Variants in WNT7A observed in about 807,000 individuals in gnomAD.
The protein encoded by WNT7A is Wnt family member 7A.
Under a neutral mutation model 28.2 loss-of-function variants are expected in WNT7A, and 16 were observed. The ratio of observed to expected loss-of-function variants is 0.57; its 90% confidence interval spans 0.38 to 0.86. WNT7A has a LOEUF of 0.86. Among genes scored for constraint, WNT7A ranks in the 40% least tolerant of loss-of-function variants. The pLI, the probability that WNT7A is intolerant of heterozygous loss-of-function variation, is 0.00. For missense variants in WNT7A, 411 were observed against 489.7 expected, an observed-to-expected ratio of 0.84 and a Z score of 1.52; for synonymous variants, 190 against 195.9, an observed-to-expected ratio of 0.97 and a Z score of 0.25.
chr3:13,859,816 C>T (rs1257022225), intron 2 of WNT7A, among the ~76,000 whole-genome samples: 1 of 152,216 alleles, frequency 6.6e-6, no homozygotes, highest in African/African-American at 2.4e-5. Flanking sequence ...TTTTTGTTTG[C>T]CAGACTCCAT....
chr3:13,841,392 C>T (rs191985911), intron 3 of WNT7A, among the ~76,000 whole-genome samples: 8 of 152,328 alleles, frequency 5.3e-5, no homozygotes, highest in South Asian at 2.1e-4. Flanking sequence ...AGCAAGAATG[C>T]AGCCTCTGGA....
chr3:13,836,033 G>C (rs1457483011), intron 3 of WNT7A, among the ~76,000 whole-genome samples: 1 of 152,128 alleles, frequency 6.6e-6, no homozygotes, highest in Non-Finnish European at 1.5e-5. Context: ...AGGGAATGAG[G>C]AGTGACTACT....
At chr3:13,836,363 G>A (rs192459792) in intron 3 of WNT7A, among the ~76,000 whole-genome samples, 9 of 152,298 alleles carry the variant, frequency 5.9e-5, no homozygotes, top group Non-Finnish European at 1.2e-4. Context: ...GCATCCGCAC[G>A]CTCTCCCCAG....
Position 13,839,334 on chromosome 3 carries a change from G to A in WNT7A, c.570+15198C>T, listed in dbSNP as rs930290467. 6.6e-5 allele frequency among the ~76,000 whole-genome samples: 10 copies of A among 152,354 alleles called. No homozygotes were observed. The East Asian group carries it at 7.7e-4, about 12-fold the overall frequency. On this transcript the variant is annotated intron_variant, in intron 3 of 3. Transcript: ENST00000285018. ...TTTGAGAAGCTGTGAAGAGCCTGAG[G>A]CTGGGGGTCTCAGAGGGGAGCCCAG...
At chr3:13,838,865 G>A (rs566087216) in intron 3 of WNT7A, among the ~76,000 whole-genome samples, 9 of 152,340 alleles carry the variant, frequency 5.9e-5, no homozygotes, top group Non-Finnish European at 1.0e-4. Context: ...GGAGCCATGA[G>A]CAATATGGGT....
intron 2 of WNT7A, among the ~76,000 whole-genome samples, chr3:13,869,114 G>C (rs542302449): frequency 6.7e-6 from 1 of 148,360 alleles, no homozygotes; most frequent in African/African-American, 2.5e-5. Flanking sequence ...GAGGGAGAGA[G>C]AGGGAGGGAG....
In WNT7A at chr3:13,874,957, C is replaced by A. The variant is rs199816967; in HGVS notation, c.288G>T (p.Glu96Asp). 1 of 1,614,078 alleles carries A rather than the reference C, an allele frequency of 6.2e-7. No homozygotes were observed. Among genetic ancestry groups the A allele is most frequent in the East Asian group, 2.2e-5 (1 of 44,888 alleles). Residue 96 changes from glutamate to aspartate, a missense_variant, in exon 2 of 4, where the codon GAG becomes GAT. By Grantham distance (45) the Glu-to-Asp change is conservative. Coordinates refer to ENST00000285018, the MANE Select transcript of WNT7A (RefSeq NM_004625.4). ...TGGGTGAGCACATACCCACTTTGAG[C>A]TCCTTCCCGAAGACGGTGCGCTCTC... ...ALGERTVFGK[E>D]LKVGSREAAF...
At chr3:13,857,351 C>A (rs7631306) in intron 2 of WNT7A, among the ~76,000 whole-genome samples, 11 of 151,950 alleles carry the variant, frequency 7.2e-5, no homozygotes, top group African/African-American at 2.4e-4. Flanking sequence ...GAGGCAGGGC[C>A]TTGGTAAAGA....
rs746475689 is a variant in WNT7A, at chr3:13,854,573, G to A, written c.529C>T (p.Arg177Trp). Residue 177 changes from arginine (R) to tryptophan (W), a missense_variant, in exon 3 of 4, where the codon CGG becomes TGG. Coordinates refer to ENST00000285018, the MANE Select transcript of WNT7A (RefSeq NM_004625.4). ...VDAREIKQNARTLMNLHNNEA... is the reference protein window; with the variant it reads ...VDAREIKQNAWTLMNLHNNEA... ...TTGTTGTGCAAGTTCATGAGAGTCC[G>A]GGCATTCTGCTTGATCTCCCGGGCA... is the stretch of plus-strand genomic sequence containing the variant. The A allele has an allele frequency of 6.2e-7, 1 of 1,614,164 alleles. No individual in the cohort carries two copies. Among genetic ancestry groups the A allele is most frequent in the Non-Finnish European group, 8.5e-7 (1 of 1,180,052 alleles).
chr3:13,844,314 A>C (rs1421609854), intron 3 of WNT7A, among the ~76,000 whole-genome samples: 2 of 152,178 alleles, frequency 1.3e-5, no homozygotes, highest in Non-Finnish European at 2.9e-5. Flanking sequence ...ATTTACAAAG[A>C]GCACTTGGGA....
chr3:13,850,763 A>G (rs1694620573), intron 3 of WNT7A, among the ~76,000 whole-genome samples: 1 of 151,976 alleles, frequency 6.6e-6, no homozygotes, highest in African/African-American at 2.4e-5. Flanking sequence ...TGCCAGGTAC[A>G]ATATTATCAT....
intron 2 of WNT7A, among the ~76,000 whole-genome samples, chr3:13,870,996 A>G (rs1336506219): frequency 6.6e-6 from 1 of 152,238 alleles, no homozygotes; most frequent in African/African-American, 2.4e-5. Flanking sequence ...CTGAATACTC[A>G]GAAGGGAGCC....
chr3:13,825,765 G>A (rs929873287), intron 3 of WNT7A, among the ~76,000 whole-genome samples: 7 of 152,204 alleles, frequency 4.6e-5, no homozygotes, highest in Non-Finnish European at 8.8e-5. Flanking sequence ...AACATAATGG[G>A]CAGGACCGAG....
rs1007184780 is a variant in WNT7A at position 13,819,412 on chromosome 3, C to G, written c.582G>C (p.Glu194Asp). Residue 194 changes from glutamate to aspartate, a missense_variant, in exon 4 of 4, where the codon GAG (glutamate) becomes GAC (aspartate). By Grantham distance (45) the Glu-to-Asp change is conservative. Coordinates refer to ENST00000285018, the MANE Select transcript of WNT7A (RefSeq NM_004625.4). ...GGCACTTACATTCCAGCTTCATGTT[C>G]TCCTCCAGGATCTGCAGGGGAGGGC... ...NNEAGRKILE[E>D]NMKLECKCHG... is the part of the protein sequence containing the mutation. 8.7e-6 allele frequency: 14 copies of G among 1,613,088 alleles called. 1 individual carries two copies. Among genetic ancestry groups the G allele is most frequent in the Middle Eastern group, 3.3e-4 (2 of 6,082 alleles).
chr3:13,848,014 C>T (rs1000513278), intron 3 of WNT7A, among the ~76,000 whole-genome samples: 3 of 151,774 alleles, frequency 2.0e-5, no homozygotes, highest in African/African-American at 7.3e-5. Flanking sequence ...AAAAACGTAA[C>T]ATACAATTTA....
At chr3:13,870,747 G>A (rs1263418397) in intron 2 of WNT7A, among the ~76,000 whole-genome samples, 2 of 152,254 alleles carry the variant, frequency 1.3e-5, no homozygotes, top group African/African-American at 4.8e-5. Context: ...GTGTGGCACT[G>A]CAGGTGCAAA....
At chr3:13,835,240 G>C (rs1300532451) in intron 3 of WNT7A, among the ~76,000 whole-genome samples, 1 of 152,198 alleles carries the variant, frequency 6.6e-6, no homozygotes, top group Non-Finnish European at 1.5e-5. Flanking sequence ...AATGGCATTG[G>C]AGAAGCTCTC....
At chr3:13,851,415 G>A (rs1208726341) in intron 3 of WNT7A, among the ~76,000 whole-genome samples, 2 of 152,186 alleles carry the variant, frequency 1.3e-5, no homozygotes, top group Non-Finnish European at 2.9e-5. Context: ...TGTGCTGCCT[G>A]AACTGCCCTC....
intron 2 of WNT7A, among the ~76,000 whole-genome samples, chr3:13,867,628 C>T (rs1694932214): frequency 6.6e-6 from 1 of 152,126 alleles, no homozygotes; most frequent in African/African-American, 2.4e-5. Context: ...TGAAGCCTCC[C>T]ACAGCCCACT....
Sources: allele counts gnomAD v4.1 joint callset (sites outside exome capture counted in the v4.1 genomes callset), GRCh38; gene constraint gnomAD v4.1.1; transcripts MANE v1.5; gene names NCBI Gene and HGNC (gene_info 2026-07-23, HGNC 2026-07-21).